The following ARHGEF10L variants were observed in gnomAD, a reference collection of about 807,000 sequenced individuals.
ARHGEF10L encodes Rho guanine nucleotide exchange factor 10 like, also known as rho guanine nucleotide exchange factor 10-like protein.
ARHGEF10L carries 69 observed loss-of-function variants against 141.2 expected under a neutral mutation model. That is an observed-to-expected ratio of 0.49 (90% CI 0.40 to 0.60). The LOEUF (loss-of-function observed/expected upper bound fraction) is 0.60, where lower values mean the gene tolerates loss of function less well. Ranked by LOEUF, ARHGEF10L falls within the 20% of genes least tolerant of loss-of-function variation. The probability of loss-of-function intolerance (pLI) is 0.00; values close to 1 mark genes in which losing one functional copy is unlikely to be tolerated. For synonymous variants in ARHGEF10L, 711 were observed against 718.5 expected (o/e 0.99, Z 0.17); for missense variants, 1,482 against 1,734.3 (o/e 0.85, Z 2.58).
At chr1:17,643,849 C>T (rs895162155) in intron 21 of ARHGEF10L, among the ~76,000 whole-genome samples, 6 of 152,258 alleles carry the variant, frequency 3.9e-5, no homozygotes, top group South Asian at 4.1e-4. Flanking sequence ...TGAGGTCACA[C>T]GCGATTTAGT....
chr1:17,676,784 G>T (rs1009349010), intron 26 of ARHGEF10L, among the ~76,000 whole-genome samples: 5 of 151,842 alleles, frequency 3.3e-5, no homozygotes, highest in East Asian at 1.9e-4. Flanking sequence ...TCCCCTAAAG[G>T]CTCTGCCTGA....
At position 17,606,485 on chromosome 1, in the gene ARHGEF10L, G is replaced by A. The variant is rs1332262081; in HGVS notation, c.434-1317G>A. On this transcript the variant is annotated intron_variant, in intron 6 of 28. Coordinates refer to ENST00000361221, the MANE Select transcript of ARHGEF10L (RefSeq NM_018125.4). ...GTTTTTGTATTTTTAGTAGAGATGGGGTTTCATCATGTTGGCCAGGCTGGT... is the reference window on the plus strand; with the variant it reads ...GTTTTTGTATTTTTAGTAGAGATGGAGTTTCATCATGTTGGCCAGGCTGGT... 2.6e-5 allele frequency among the ~76,000 whole-genome samples: 4 copies of A among 151,584 alleles called. No homozygotes were observed. The East Asian group carries it at 7.7e-4, about 29-fold the overall frequency.
chr1:17,596,841 C>T (rs1012038608), intron 4 of ARHGEF10L, among the ~76,000 whole-genome samples: 2 of 152,192 alleles, frequency 1.3e-5, no homozygotes, highest in Non-Finnish European at 1.5e-5. Context: ...CACCTGAGGT[C>T]AGGAGTTCAA....
At chr1:17,690,518 C>T (rs903977495) in intron 27 of ARHGEF10L, among the ~76,000 whole-genome samples, 3 of 152,278 alleles carry the variant, frequency 2.0e-5, no homozygotes, top group Admixed American at 2.0e-4. Flanking sequence ...TAAGACCCTC[C>T]AGGTCAGTGT....
intron 1 of ARHGEF10L, among the ~76,000 whole-genome samples, chr1:17,557,952 A>G (rs2100797210): frequency 6.6e-6 from 1 of 152,284 alleles, no homozygotes; most frequent in Admixed American, 6.5e-5. Context: ...AGCCCTGGGC[A>G]CAGTGTCCTC....
chr1:17,683,200 G>A (rs797016682), intron 26 of ARHGEF10L, among the ~76,000 whole-genome samples: 3 of 91,066 alleles, frequency 3.3e-5, no homozygotes, highest in African/African-American at 4.5e-5. Flanking sequence ...TGCTCTCACC[G>A]GGGTGCTCAC....
intron 27 of ARHGEF10L, among the ~76,000 whole-genome samples, chr1:17,688,519 C>G (rs901086670): frequency 6.6e-6 from 1 of 152,238 alleles, no homozygotes. Flanking sequence ...GAGAGACTGA[C>G]CTGCGGCCAG....
chr1:17,666,187 G>A (rs1257987103), intron 26 of ARHGEF10L, among the ~76,000 whole-genome samples: 2 of 152,208 alleles, frequency 1.3e-5, no homozygotes, highest in Admixed American at 6.5e-5. Flanking sequence ...TCAGAGCCAC[G>A]TTTAACCAAA....
chr1:17,695,316 G>C (rs560497236), intron 28 of ARHGEF10L, 36 bp downstream of exon 28: 2 of 1,543,246 alleles, frequency 1.3e-6, no homozygotes, highest in Admixed American at 4.0e-5. Context: ...CAGGACCAGG[G>C]GGTCAGCTGC....
chr1:17,546,415 A>G (rs2076917258), intron 1 of ARHGEF10L, among the ~76,000 whole-genome samples: 1 of 152,186 alleles, frequency 6.6e-6, no homozygotes, highest in South Asian at 2.1e-4. Context: ...TAGGTGCCAG[A>G]TATTTTTCAT....
chr1:17,693,925 C>T (rs2102593486), intron 27 of ARHGEF10L: 1 of 152,214 alleles, frequency 6.6e-6, no homozygotes. Flanking sequence ...GCGCCGTCCA[C>T]CCTGTGTGTG....
chr1:17,543,155 G>T (rs2076791266), intron 1 of ARHGEF10L, among the ~76,000 whole-genome samples: 1 of 152,192 alleles, frequency 6.6e-6, no homozygotes, highest in Non-Finnish European at 1.5e-5. Flanking sequence ...ACATTCCCAG[G>T]AGTGACTGGT....
At chr1:17,571,998 G>T (rs939528480) in intron 1 of ARHGEF10L, among the ~76,000 whole-genome samples, 11 of 152,204 alleles carry the variant, frequency 7.2e-5, no homozygotes, top group Non-Finnish European at 1.6e-4. Context: ...GTTTGGGGGG[G>T]CTCCTCCAGT....
At position 17,625,414 on chromosome 1, in the gene ARHGEF10L, T is replaced by C. The variant is rs1324631076; in HGVS notation, c.1318-542T>C. Among the ~76,000 whole-genome samples the C allele has an allele frequency of 6.6e-6, 1 of 151,984 alleles. No homozygotes were observed. Among genetic ancestry groups the C allele is most frequent in the Non-Finnish European group, 1.5e-5 (1 of 67,996 alleles). Reference sequence around the variant, plus strand: ...AGACCTCCAGGCCCAGGGCCTAGGATGTAATATTTCAGGTAATGGGGAGCC... The same window carrying C: ...AGACCTCCAGGCCCAGGGCCTAGGACGTAATATTTCAGGTAATGGGGAGCC... On this transcript the variant is annotated intron_variant, in intron 13 of 28. Coordinates refer to ENST00000361221, the MANE Select transcript of ARHGEF10L (RefSeq NM_018125.4). This position sits in a 1 kb window ranked among gnomAD's most constrained non-coding sequence, Gnocchi z 4.5.
chr1:17,584,409 G>A (rs1039550099), intron 2 of ARHGEF10L, among the ~76,000 whole-genome samples: 3 of 152,014 alleles, frequency 2.0e-5, no homozygotes, highest in Non-Finnish European at 4.4e-5. Context: ...TGCTTATCAC[G>A]TGCCTCCTGT....
intron 27 of ARHGEF10L, chr1:17,691,182 A>T (rs904988859): frequency 2.2e-6 from 1 of 453,524 alleles, no homozygotes; most frequent in African/African-American, 2.0e-5. Flanking sequence ...ATCTCCAGAT[A>T]GATGGCTTGG....
At chr1:17,575,922 G>A (rs1004433593) in intron 1 of ARHGEF10L, among the ~76,000 whole-genome samples, 23 of 152,226 alleles carry the variant, frequency 1.5e-4, no homozygotes, top group Non-Finnish European at 1.8e-4. Context: ...CTTGACAAGC[G>A]TGCTTGGGCC....
rs1018260722 is a variant in ARHGEF10L at position 17,558,900 on chromosome 1, G to T, written c.-44+18950G>T. On this transcript the variant is annotated intron_variant, in intron 1 of 28. Transcript: ENST00000361221. This position sits in a 1 kb window ranked among gnomAD's most constrained non-coding sequence, Gnocchi z 4.2. ...GGAGAATGGTGGGGAGGGCTGAGGG[G>T]CCCTTCCCCAGCTTCCTCGGCTTTC... 6.6e-6 allele frequency among the ~76,000 whole-genome samples: 1 copy of T among 152,166 alleles called. No individual in the cohort carries two copies. The highest frequency in any genetic ancestry group is 1.5e-5 in the Non-Finnish European group (1 of 68,018).
At chr1:17,641,980 T>TAA (rs766761868) in intron 21 of ARHGEF10L, among the ~76,000 whole-genome samples, 3 of 138,672 alleles carry the variant, frequency 2.2e-5, no homozygotes, top group Non-Finnish European at 3.1e-5. Context: ...GACTCCGTCT[T>TAA]AAAAAAAAAG....
Sources: gnomAD v4.1 joint callset for allele counts (sites outside exome capture counted in the v4.1 genomes callset) on GRCh38, gnomAD v4.1.1 for gene constraint, Gnocchi (gnomAD v3.1) non-coding constraint, MANE v1.5 for transcripts, NCBI Gene and HGNC (gene_info 2026-07-23, HGNC 2026-07-21) for gene names.